The following GNAQ variants were observed in gnomAD, a reference collection of about 807,000 sequenced individuals.
GNAQ encodes the protein guanine nucleotide-binding protein G(q) subunit alpha.
In GNAQ, 8 loss-of-function variants were observed where a neutral mutation model predicts 43.9. The ratio of observed to expected loss-of-function variants is 0.18; its 90% confidence interval spans 0.11 to 0.33. The LOEUF (loss-of-function observed/expected upper bound fraction) is 0.33, where lower values mean the gene tolerates loss of function less well. GNAQ is among the 10% of genes least tolerant of loss of function. GNAQ has a pLI of 1.00. For synonymous variants in GNAQ, 155 were observed against 170.7 expected (o/e 0.91, Z 0.71); for missense variants, 158 against 450.8 (o/e 0.35, Z 5.88).
intron 2 of GNAQ, among the ~76,000 whole-genome samples, chr9:77,832,150 A>G (rs910093544): frequency 5.9e-5 from 9 of 151,530 alleles, no homozygotes; most frequent in Non-Finnish European, 1.3e-4. Context: ...CCCATCACAT[A>G]CAACTCTTCT....
chr9:77,761,259 G>A lies in GNAQ; in HGVS notation c.736-32592C>T, dbSNP rs1312272702. ...GCCCCTCTGCCCGGCCAGCCACCCT[G>A]TCCGGGAGGGAGGTGGGGGGGTCAG... On this transcript the variant is annotated intron_variant, in intron 5 of 6. Coordinates refer to ENST00000286548, the MANE Select transcript of GNAQ (RefSeq NM_002072.5). 4.5e-3 allele frequency among the ~76,000 whole-genome samples: 576 copies of A among 129,290 alleles called. 1 individual carries two copies. The highest frequency in any genetic ancestry group is 0.01 in the Middle Eastern group (2 of 192). The allele number at this position is 129,290 out of a possible 152,430, so 84.8% of individuals were successfully genotyped here. A position where few individuals can be genotyped will look rare whatever the true frequency, so the allele number is the denominator to read the frequency against.
intron 2 of GNAQ, among the ~76,000 whole-genome samples, chr9:77,880,371 G>A (rs1314480580): frequency 2.0e-5 from 3 of 151,864 alleles, no homozygotes; most frequent in African/African-American, 4.8e-5. Context: ...TTGGTGGACC[G>A]TATTTTCTTT....
At chr9:77,766,763 G>A (rs1375904324) in intron 5 of GNAQ, among the ~76,000 whole-genome samples, 1 of 152,158 alleles carries the variant, frequency 6.6e-6, no homozygotes, top group Non-Finnish European at 1.5e-5. Flanking sequence ...AGTGACAACT[G>A]GAGCTGCCTT....
chr9:77,860,022 A>G (rs748879945), intron 2 of GNAQ, among the ~76,000 whole-genome samples: 2 of 152,236 alleles, frequency 1.3e-5, no homozygotes, highest in Non-Finnish European at 2.9e-5. Flanking sequence ...ACAGAAAGGA[A>G]AGAAATGATT....
intron 5 of GNAQ, among the ~76,000 whole-genome samples, chr9:77,778,577 CA>C (rs1826341793): frequency 6.6e-6 from 1 of 151,752 alleles, no homozygotes; most frequent in African/African-American, 2.4e-5. Context: ...GATATTATTG[CA>C]ATATATCACT....
At chr9:77,868,996 G>T (rs1258962742) in intron 2 of GNAQ, among the ~76,000 whole-genome samples, 2 of 147,218 alleles carry the variant, frequency 1.4e-5, no homozygotes, top group African/African-American at 5.4e-5. Flanking sequence ...TGCGGGGGAG[G>T]GGGGAAGAAA....
intron 5 of GNAQ, among the ~76,000 whole-genome samples, chr9:77,781,537 A>T (rs963858321): frequency 6.6e-6 from 1 of 152,132 alleles, no homozygotes; most frequent in Non-Finnish European, 1.5e-5. Flanking sequence ...TTAACTTAAT[A>T]CCAAAACCAG....
At chr9:77,976,291 G>A (rs968620256) in intron 1 of GNAQ, among the ~76,000 whole-genome samples, 2 of 152,210 alleles carry the variant, frequency 1.3e-5, no homozygotes, top group African/African-American at 4.8e-5. Context: ...AACAACTGGG[G>A]TCAGGTGTTA....
At chr9:77,963,102 CAA>C (rs1394767793) in intron 1 of GNAQ, among the ~76,000 whole-genome samples, 1 of 151,952 alleles carries the variant, frequency 6.6e-6, no homozygotes, top group Non-Finnish European at 1.5e-5. Context: ...GAAGTAAGAA[CAA>C]ATGCCAAATT....
At chr9:77,949,791 A>G (rs11145630) in intron 1 of GNAQ, among the ~76,000 whole-genome samples, 1 of 152,020 alleles carries the variant, frequency 6.6e-6, no homozygotes. Flanking sequence ...AAACTTTTCC[A>G]TATTTCCCGT....
intron 2 of GNAQ, among the ~76,000 whole-genome samples, chr9:77,889,343 G>A (rs1218125658): frequency 4.9e-5 from 7 of 143,224 alleles, no homozygotes; most frequent in Admixed American, 1.5e-4. Flanking sequence ...CCTGGGAGGC[G>A]TAGGGTGCAG....
intron 1 of GNAQ, among the ~76,000 whole-genome samples, chr9:77,998,638 C>G (rs1247318375): frequency 6.6e-6 from 1 of 152,070 alleles, no homozygotes; most frequent in African/African-American, 2.4e-5. Flanking sequence ...GCTTCAATAT[C>G]TATGAACAAA....
chr9:77,891,931 G>C (rs1022058644), intron 2 of GNAQ, among the ~76,000 whole-genome samples: 1 of 152,188 alleles, frequency 6.6e-6, no homozygotes, highest in Middle Eastern at 3.4e-3. Context: ...CATCGCCCCA[G>C]GCATGAAACA....
In GNAQ at chr9:77,721,400, C is replaced by T. The variant is rs1412853649; in HGVS notation, c.1003G>A (p.Glu335Lys). 3.1e-6 allele frequency: 5 copies of T among 1,613,546 alleles called. No homozygotes were observed. The highest frequency in any genetic ancestry group is 1.1e-5 in the South Asian group (1 of 91,032). The change falls in exon 7 of 7, where the codon GAG becomes AAG. Residue 335 changes from glutamate to lysine, a missense_variant. Coordinates refer to ENST00000286548, the MANE Select transcript of GNAQ (RefSeq NM_002072.5). Reference protein sequence around the residue: ...YSHFTCATDTENIRFVFAAVK... With the variant: ...YSHFTCATDTKNIRFVFAAVK... ...GCAGCAAAGACAAAGCGGATATTCT[C>T]GGTGTCTGTGGCGCACGTGAAGTGG...
At chr9:77,986,447 G>A (rs997628312) in intron 1 of GNAQ, among the ~76,000 whole-genome samples, 1 of 152,170 alleles carries the variant, frequency 6.6e-6, no homozygotes, top group Non-Finnish European at 1.5e-5. Context: ...CAGTTTCTAA[G>A]AGAGGTCTAC....
chr9:78,019,923 C>CAAAAAAAAAAA (rs34222702), intron 1 of GNAQ, among the ~76,000 whole-genome samples: 1 of 94,118 alleles, frequency 1.1e-5, no homozygotes, highest in Admixed American at 1.2e-4. Context: ...GACTCCATCT[C>CAAAAAAAAAAA]AAAAAAAAAA....
chr9:77,779,687 A>C (rs1046516382), intron 5 of GNAQ, among the ~76,000 whole-genome samples: 68 of 148,850 alleles, frequency 4.6e-4, no homozygotes, highest in Middle Eastern at 6.8e-3. Context: ...AAACAAAAAA[A>C]AAAAAAAAAA....
intron 5 of GNAQ, among the ~76,000 whole-genome samples, chr9:77,760,406 G>A (rs1185956056): frequency 1.3e-4 from 20 of 152,248 alleles, no homozygotes; most frequent in Non-Finnish European, 2.2e-4. Flanking sequence ...ACGGGGTTTC[G>A]CTGTGTTGGC....
intron 1 of GNAQ, among the ~76,000 whole-genome samples, chr9:78,000,179 T>C (rs1402667030): frequency 6.6e-6 from 1 of 152,304 alleles, no homozygotes; most frequent in East Asian, 1.9e-4. Flanking sequence ...AGAGGGTAAT[T>C]AGCATCAAAA....
Sources: allele counts gnomAD v4.1 joint callset (sites outside exome capture counted in the v4.1 genomes callset), GRCh38; gene constraint gnomAD v4.1.1; transcripts MANE v1.5; gene names NCBI Gene and HGNC (gene_info 2026-07-23, HGNC 2026-07-21).